Variants in RNF31 observed in about 807,000 individuals in gnomAD.
RNF31 encodes E3 ubiquitin-protein ligase RNF31.
In RNF31, 38 loss-of-function variants were observed where a neutral mutation model predicts 133.6. The ratio of observed to expected loss-of-function variants is 0.28; its 90% CI spans 0.22 to 0.37. RNF31 has a LOEUF of 0.37. RNF31 is among the 10% of genes least tolerant of loss of function. The pLI, the probability that RNF31 is intolerant of heterozygous loss-of-function variation, is 1.00. For synonymous variants in RNF31, 582 were observed against 552.3 expected (o/e 1.05, Z -0.75); for missense variants, 1,118 against 1,394.1 (o/e 0.80, Z 3.15).
intron 3 of RNF31, 44 bp from the exon 4 acceptor site, chr14:24,148,598 T>C (rs1352967744): frequency 6.2e-7 from 1 of 1,608,234 alleles, no homozygotes; most frequent in Non-Finnish European, 8.5e-7. Context: ...AGGGCTTTGT[T>C]CTAGGGGTCT....
At position 24,147,753 on chromosome 14, in the gene RNF31, A is replaced by G; in HGVS notation, c.55A>G (p.Ser19Gly). The G allele has an allele frequency of 6.4e-7, 1 of 1,566,770 alleles. No homozygotes were observed. Among genetic ancestry groups the G allele is most frequent in the Non-Finnish European group, 8.6e-7 (1 of 1,160,294 alleles). Residue 19 changes from serine to glycine, a missense_variant, in exon 1 of 21, where the codon AGC becomes GGC. Around this residue, in one of 3 missense-constraint regions of RNF31, gnomAD observed 747 missense variants for 827.9 expected, o/e 0.90. Coordinates refer to ENST00000324103, the MANE Select transcript of RNF31 (RefSeq NM_017999.5). ...AFLVAREELA[S>G]ALRRDSGQAF... The stretch of plus-strand genomic sequence containing the variant: ...CCTGGTGGCCCGCGAGGAGCTGGCG[A>G]GCGCCCTGAGGAGGGATTCCGGGCA...
chr14:24,153,347 C>A (rs913738852), intron 11 of RNF31, among the ~76,000 whole-genome samples: 3 of 151,838 alleles, frequency 2.0e-5, no homozygotes, highest in African/African-American at 7.3e-5. Flanking sequence ...GGGAGGCCAA[C>A]GTGGGTGGAT....
In RNF31 at chr14:24,150,772, A is replaced by G; in HGVS notation, c.1372A>G (p.Lys458Glu). ...YASSLEKGPPKPGPPRRLSAP... is the reference protein window; with the variant it reads ...YASSLEKGPPEPGPPRRLSAP... ...CAGCTCTTTGGAAAAGGGACCCCCC[A>G]AGCCTGGGCCCCCACGACGCCTTAG... Residue 458 changes from lysine to glutamate, a missense_variant, in exon 8 of 21, where the codon AAG becomes GAG. Coordinates refer to ENST00000324103, the MANE Select transcript of RNF31 (RefSeq NM_017999.5). 4 of 1,603,952 alleles carry G rather than the reference A, an allele frequency of 2.5e-6. No individual in the cohort carries two copies. The South Asian group carries it at 4.4e-5, about 18-fold the overall frequency.
rs1793194066 is a variant in RNF31, at chr14:24,155,722, T to G, written c.2493+30T>G. ...GGCACATTCATCCTTTCAGAAATAC[T>G]TGCTGAGCTACTGCCAGGTACTGTG... is the stretch of plus-strand genomic sequence containing the variant. On this transcript the variant is annotated intron_variant, in intron 14 of 20. Coordinates refer to ENST00000324103, the MANE Select transcript of RNF31 (RefSeq NM_017999.5). The surrounding 1 kb of genome is among the most constrained non-coding windows in gnomAD (Gnocchi z 4.9). 1.3e-6 allele frequency: 2 copies of G among 1,590,058 alleles called. No homozygotes were observed. Among genetic ancestry groups the G allele is most frequent in the Non-Finnish European group, 1.7e-6 (2 of 1,158,796 alleles).
At chr14:24,157,708 T>C in intron 16 of RNF31, 70 bp downstream of exon 16, 2 of 1,358,080 alleles carry the variant, frequency 1.5e-6, no homozygotes, top group African/African-American at 1.4e-5. Flanking sequence ...TCAGAGGCTA[T>C]TGAGGAGTGG....
intron 6 of RNF31, 136 bp downstream of exon 6, chr14:24,149,719 A>T: frequency 1.1e-6 from 1 of 916,032 alleles, no homozygotes. Context: ...TGAAAGAGAT[A>T]ATAGACATAC....
Position 24,160,375 on chromosome 14 carries a change from G to T in RNF31, c.3133G>T (p.Asp1045Tyr). Residue 1045 changes from aspartate (D) to tyrosine (Y), a missense_variant, in exon 20 of 21, where the codon GAT becomes TAT. By Grantham distance (160) the Asp-to-Tyr change is radical. Around this residue, in one of 3 missense-constraint regions of RNF31, gnomAD observed 170 missense variants for 194.5 expected, o/e 0.87. Coordinates refer to ENST00000324103, the MANE Select transcript of RNF31 (RefSeq NM_017999.5). The surrounding 1 kb of genome is among the most constrained non-coding windows in gnomAD (Gnocchi z 4.0). ...ACGCCCCCAGCCTTTGGCTGGAGAG[G>T]ATCCCCCTGCTTACCAGGCCCGCTT... ...HVRPQPLAGEDPPAYQARLLQ... is the reference protein window; with the variant it reads ...HVRPQPLAGEYPPAYQARLLQ... 6.2e-7 allele frequency: 1 copy of T among 1,614,102 alleles called. No homozygotes were observed. Among genetic ancestry groups the T allele is most frequent in the Non-Finnish European group, 8.5e-7 (1 of 1,179,988 alleles).
At chr14:24,150,573 G>C in intron 7 of RNF31, 25 bp from the exon 8 acceptor site, 3 of 1,595,750 alleles carry the variant, frequency 1.9e-6, no homozygotes, top group Non-Finnish European at 2.6e-6. Context: ...GCCAGTCAAA[G>C]GGATAATTCT....
Position 24,147,711 on chromosome 14 carries a change from G to T in RNF31, c.13G>T (p.Glu5Ter). The T allele has an allele frequency of 6.6e-7, 1 of 1,526,036 alleles. No individual in the cohort carries two copies. The highest frequency in any genetic ancestry group is 2.5e-5 in the East Asian group (1 of 40,504). The allele number at this position is 1,526,036 out of a possible 1,614,324, so 94.5% of individuals were successfully genotyped here. Residue 5 changes from glutamate (E) to a stop codon, truncating the protein, a stop_gained, in exon 1 of 21, where the codon GAA becomes TAA. Coordinates refer to ENST00000324103, the MANE Select transcript of RNF31 (RefSeq NM_017999.5). LOFTEE classifies it high-confidence loss of function. ...CTCCTGCCTCAGGATGCCGGGGGAGGAAGAGGAGCGGGCCTTCCTGGTGGC... is the reference window on the plus strand; with the variant it reads ...CTCCTGCCTCAGGATGCCGGGGGAGTAAGAGGAGCGGGCCTTCCTGGTGGC... The part of the protein sequence containing the change: MPGE[E>*]EERAFLVARE...
intron 6 of RNF31, among the ~76,000 whole-genome samples, 182 bp from the exon 7 acceptor site, chr14:24,149,879 A>T (rs1176522923): frequency 6.6e-6 from 1 of 152,196 alleles, no homozygotes; most frequent in African/African-American, 2.4e-5. Context: ...ACTAGGAAGA[A>T]GTGAGCTTTA....
Position 24,160,234 on chromosome 14 carries a change from C to A in RNF31, c.2997-5C>A, listed in dbSNP as rs1231199885. 2.5e-6 allele frequency: 4 copies of A among 1,610,502 alleles called. No individual in the cohort carries two copies. The highest frequency in any genetic ancestry group is 2.2e-5 in the South Asian group (2 of 91,008). The stretch of plus-strand genomic sequence containing the variant: ...AACAAATATTCTGCTCCCTTTTCTC[C>A]CCAGGGCACACTACAAAGAGTATCT... On this transcript the variant is annotated splice_region_variant and splice_polypyrimidine_tract_variant and intron_variant, in intron 19 of 20. Transcript: ENST00000324103. This position sits in a 1 kb window ranked among gnomAD's most constrained non-coding sequence, Gnocchi z 4.0.
intron 18 of RNF31, among the ~76,000 whole-genome samples, chr14:24,158,921 T>C (rs1216918322): frequency 1.3e-5 from 2 of 149,804 alleles, no homozygotes; most frequent in Non-Finnish European, 2.9e-5. Context: ...TAGTCCCAGC[T>C]ACTCGGGAGG....
In RNF31 at chr14:24,160,550, A is replaced by C. The variant is rs756164268; in HGVS notation, c.3196A>C (p.Ser1066Arg). Reference sequence around the variant, plus strand: ...GACAGAAGAGGTACCCTTGGGACAGAGTATCCCCCGCAGGCGGAAGTAGCT... The same window carrying C: ...GACAGAAGAGGTACCCTTGGGACAGCGTATCCCCCGCAGGCGGAAGTAGCT... ...KLTEEVPLGQSIPRRRK is the reference protein window; with the variant it reads ...KLTEEVPLGQRIPRRRK The change falls in exon 21 of 21, where the codon AGT becomes CGT. Residue 1066 changes from serine (S) to arginine (R), a missense_variant. By Grantham distance (110) the Ser-to-Arg change is moderately radical. Transcript: ENST00000324103. This position sits in a 1 kb window ranked among gnomAD's most constrained non-coding sequence, Gnocchi z 4.0. 2.6e-6 allele frequency: 4 copies of C among 1,542,448 alleles called. No homozygotes were observed. The South Asian group carries it at 5.0e-5, about 19-fold the overall frequency.
In RNF31 at chr14:24,149,503, G is replaced by T; in HGVS notation, c.729G>T (p.Leu243=). Residue 243 remains leucine, a synonymous_variant, in exon 6 of 21, where the codon CTG becomes CTT. Transcript: ENST00000324103. ...CCCTGTGTCCAGCCTGTGACCACCT[G>T]TTCCATGGACACCCATCCCGTGCTC... ...KQALCPACDH[L]FHGHPSRAHH... is the part of the protein sequence containing the mutation. The T allele has an allele frequency of 3.7e-6, 6 of 1,614,116 alleles. No homozygotes were observed. Among genetic ancestry groups the T allele is most frequent in the Non-Finnish European group, 5.1e-6 (6 of 1,180,014 alleles).
chr14:24,159,584 CA>C (rs59295225), intron 18 of RNF31, among the ~76,000 whole-genome samples: 3,531 of 82,066 alleles, frequency 0.043, 46 homozygotes, highest in Admixed American at 0.073. Flanking sequence ...AAATAACAAC[CA>C]AAAAAAAAAA....
chr14:24,149,686 G>T, intron 6 of RNF31, 103 bp downstream of exon 6: 1 of 1,190,950 alleles, frequency 8.4e-7, no homozygotes, highest in Non-Finnish European at 1.2e-6. Context: ...GTTTAATAGA[G>T]GACAAGTAGC....
At position 24,155,102 on chromosome 14, in the gene RNF31, C is replaced by T. The variant is rs1348030506; in HGVS notation, c.2131-55C>T. On this transcript the variant is annotated intron_variant, in intron 11 of 20. Coordinates refer to ENST00000324103, the MANE Select transcript of RNF31 (RefSeq NM_017999.5). The surrounding 1 kb of genome is among the most constrained non-coding windows in gnomAD (Gnocchi z 4.9). Reference sequence around the variant, plus strand: ...TGGACACCTGGCCACTGCCTCTTCCCTAGCCTGGCAGCTGTGGCTTCTGAC... The same window carrying T: ...TGGACACCTGGCCACTGCCTCTTCCTTAGCCTGGCAGCTGTGGCTTCTGAC... The T allele has an allele frequency of 1.3e-6, 2 of 1,573,136 alleles. No homozygotes were observed. Among genetic ancestry groups the T allele is most frequent in the Non-Finnish European group, 1.7e-6 (2 of 1,148,652 alleles).
intron 11 of RNF31, among the ~76,000 whole-genome samples, chr14:24,154,118 C>T (rs948927538): frequency 6.6e-6 from 1 of 152,110 alleles, no homozygotes; most frequent in African/African-American, 2.4e-5. Flanking sequence ...TCCCAGCCTC[C>T]CAAGTAGCTG....
In RNF31 at chr14:24,159,800, C is replaced by G. The variant is rs767608662; in HGVS notation, c.2900-64C>G. The G allele has an allele frequency of 2.8e-4, 368 of 1,323,616 alleles. 1 individual carries two copies. The highest frequency in any genetic ancestry group is 3.7e-4 in the Non-Finnish European group (338 of 923,340). 82.0% of individuals were successfully genotyped at this position (1,323,616 alleles called of 1,614,324 possible). ...CTGCCTTCCCTGCCTTGTGGATATC[C>G]CAGTTCTGGAGCTTTGTGGTCATTG... is the stretch of plus-strand genomic sequence containing the variant. On this transcript the variant is annotated intron_variant, in intron 18 of 20. Transcript: ENST00000324103.
Sources: gnomAD v4.1 joint callset for allele counts (sites outside exome capture counted in the v4.1 genomes callset) on GRCh38, gnomAD v4.1.1 for gene constraint, gnomAD v4.1.1 regional missense constraint, Gnocchi (gnomAD v3.1) non-coding constraint, MANE v1.5 for transcripts, NCBI Gene and HGNC (gene_info 2026-07-23, HGNC 2026-07-21) for gene names.